The following WDHD1 variants were observed in gnomAD, a reference collection of about 807,000 sequenced individuals.
WDHD1 encodes the protein WD repeat and HMG-box DNA-binding protein 1.
A neutral mutation model predicts 135.4 loss-of-function variants in WDHD1; 111 were observed. That is an observed-to-expected ratio of 0.82 (90% CI 0.70 to 0.96). The LOEUF (loss-of-function observed/expected upper bound fraction) is 0.96, where lower values mean the gene tolerates loss of function less well. Among genes scored for constraint, WDHD1 ranks in the 40% least tolerant of loss-of-function variants. WDHD1 has a pLI of 0.00. For synonymous variants in WDHD1, 434 were observed against 439.0 expected (o/e 0.99, Z 0.14); for missense variants, 1,351 against 1,336.3 (o/e 1.01, Z -0.17).
intron 11 of WDHD1, among the ~76,000 whole-genome samples, chr14:54,992,626 A>T (rs1595101079): frequency 6.6e-6 from 1 of 152,192 alleles, no homozygotes; most frequent in African/African-American, 2.4e-5. Flanking sequence ...TAGCAGATAT[A>T]ATTTACAGCC....
intron 24 of WDHD1, among the ~76,000 whole-genome samples, chr14:54,948,605 C>A (rs1417246438): frequency 6.6e-6 from 1 of 152,176 alleles, no homozygotes; most frequent in Admixed American, 6.5e-5. Context: ...GCAGCAGAAA[C>A]CTCTACAGAT....
In WDHD1 at chr14:54,981,669, C is replaced by T. The variant is rs140885882; in HGVS notation, c.1934G>A (p.Gly645Glu). 3.2e-4 allele frequency: 518 copies of T among 1,610,644 alleles called. 1 individual carries two copies. The African/African-American group carries it at 5.8e-3, about 18-fold the overall frequency. ...EGTPCYVDSE[G>E]IVRMLNRGLG... ...TCCTCTGTTAAGCATTCGAACAATTCCTTCTGAATCCACGTAACAAGGGGT... is the reference window on the plus strand; with the variant it reads ...TCCTCTGTTAAGCATTCGAACAATTTCTTCTGAATCCACGTAACAAGGGGT... The change falls in exon 16 of 26, where the codon GGA (glycine) becomes GAA (glutamate). Residue 645 changes from glycine to glutamate, a missense_variant. Gly to Glu is a moderately conservative substitution (Grantham distance 98). Coordinates refer to ENST00000360586, the MANE Select transcript of WDHD1 (RefSeq NM_007086.4).
chr14:54,964,552 T>C (rs1427542524), intron 18 of WDHD1, among the ~76,000 whole-genome samples: 2 of 151,452 alleles, frequency 1.3e-5, no homozygotes, highest in Admixed American at 6.6e-5. Context: ...GGCAGGAGAA[T>C]GGCGTGAACC....
chr14:54,996,221 C>T lies in WDHD1; in HGVS notation c.943-408G>A, dbSNP rs377652098. ...TTTGAACAAAATACTGCATAAGATACATTTTCTTTATATTATCTCAGTTAA... is the reference window on the plus strand; with the variant it reads ...TTTGAACAAAATACTGCATAAGATATATTTTCTTTATATTATCTCAGTTAA... On this transcript the variant is annotated intron_variant, in intron 10 of 25. Transcript: ENST00000360586. Among the ~76,000 whole-genome samples, 3 of 152,270 alleles carry T rather than the reference C, an allele frequency of 2.0e-5. No individual in the cohort carries two copies. The East Asian group carries it at 5.8e-4, about 29-fold the overall frequency.
intron 23 of WDHD1, 61 bp from the exon 24 acceptor site, chr14:54,955,755 C>G (rs2041144416): frequency 7.6e-6 from 10 of 1,309,210 alleles, no homozygotes; most frequent in Non-Finnish European, 9.9e-6. Context: ...GTTTTATAAG[C>G]ACGTTCTGAA....
In WDHD1 at chr14:55,008,662, T is replaced by C. The variant is rs1002035667; in HGVS notation, c.399A>G (p.Arg133=). 12 of 1,613,510 alleles carry C rather than the reference T, an allele frequency of 7.4e-6. No individual in the cohort carries two copies. The highest frequency in any genetic ancestry group is 1.0e-5 in the Non-Finnish European group (12 of 1,179,872). ...VMDSSQQKTF[R]GHDAPVLSLS... is the part of the protein sequence containing the mutation. ...GACTTAAAACAGGGGCATCATGTCC[T>C]CGAAATGTTTTCTGTTGGCTGCTAT... The change falls in exon 5 of 26, where the codon CGA becomes CGG. Residue 133 remains arginine, a synonymous_variant. Transcript: ENST00000360586.
At chr14:54,987,435 TAC>T in intron 13 of WDHD1, 48 bp from the exon 14 acceptor site, 2 of 1,465,520 alleles carry the variant, frequency 1.4e-6, no homozygotes, top group Non-Finnish European at 1.8e-6. Context: ...ATATGATATT[TAC>T]ATATATATAT....
At chr14:54,976,191 AC>A (rs549316978) in intron 16 of WDHD1, among the ~76,000 whole-genome samples, 54 of 152,302 alleles carry the variant, frequency 3.5e-4, no homozygotes, top group Middle Eastern at 6.8e-3. Flanking sequence ...ATGAGAGCAA[AC>A]AGAGGCATTA....
chr14:54,970,470 C>G (rs927959454), intron 16 of WDHD1, among the ~76,000 whole-genome samples: 2 of 151,834 alleles, frequency 1.3e-5, no homozygotes, highest in Admixed American at 1.3e-4. Flanking sequence ...TGAAAGATCT[C>G]TACAAGAACT....
intron 17 of WDHD1, among the ~76,000 whole-genome samples, chr14:54,966,999 C>A (rs976549713): frequency 2.0e-5 from 3 of 152,188 alleles, no homozygotes; most frequent in Non-Finnish European, 2.9e-5. Flanking sequence ...TGTATGGAGG[C>A]ACTTCTTCTC....
chr14:55,001,475 T>C (rs960134191), intron 8 of WDHD1, among the ~76,000 whole-genome samples: 1 of 151,964 alleles, frequency 6.6e-6, no homozygotes, highest in Non-Finnish European at 1.5e-5. Context: ...GTTGCCCAAG[T>C]TGGTTTCGGA....
Position 54,955,685 on chromosome 14 carries a change from C to T in WDHD1, c.2926G>A (p.Ala976Thr), listed in dbSNP as rs2041141840. ...PKPKPKQASA[A>T]SYFQKRNSQT... ...GAATTTCTTTTCTGGAAATAGGATG[C>T]TGCAGATGCCTATAAAAACAAACAT... The change falls in exon 24 of 26, where the codon GCA (alanine) becomes ACA (threonine). Residue 976 changes from alanine to threonine, a missense_variant. Physicochemically the swap from Ala to Thr is moderately conservative, Grantham distance 58. Coordinates refer to ENST00000360586, the MANE Select transcript of WDHD1 (RefSeq NM_007086.4). 2 of 1,563,490 alleles carry T rather than the reference C, an allele frequency of 1.3e-6. No homozygotes were observed. Among genetic ancestry groups the T allele is most frequent in the African/African-American group, 1.4e-5 (1 of 71,534 alleles).
At chr14:55,004,032 T>C (rs1228394424) in intron 7 of WDHD1, among the ~76,000 whole-genome samples, 1 of 152,238 alleles carries the variant, frequency 6.6e-6, no homozygotes, top group Middle Eastern at 3.2e-3. Context: ...TAATATTTTG[T>C]ACCATGCAAA....
intron 14 of WDHD1, 66 bp downstream of exon 14, chr14:54,987,074 TAACAAA>T: frequency 6.4e-7 from 1 of 1,556,534 alleles, no homozygotes; most frequent in Non-Finnish European, 8.7e-7. Context: ...ACAAAAAGAG[TAACAAA>T]AACAGCAAAA....
chr14:54,999,334 G>A (rs1334282168), intron 10 of WDHD1, among the ~76,000 whole-genome samples: 2 of 152,178 alleles, frequency 1.3e-5, no homozygotes, highest in Non-Finnish European at 2.9e-5. Flanking sequence ...CATTCTGCCA[G>A]AATGCATGTG....
chr14:54,985,842 GAA>G (rs929810932), intron 14 of WDHD1, among the ~76,000 whole-genome samples: 5 of 152,322 alleles, frequency 3.3e-5, no homozygotes, highest in Admixed American at 2.6e-4. Flanking sequence ...AGGGGAAATG[GAA>G]AGAGAAGAAT....
intron 24 of WDHD1, among the ~76,000 whole-genome samples, chr14:54,947,880 C>T (rs1057396759): frequency 6.6e-6 from 1 of 151,854 alleles, no homozygotes; most frequent in Non-Finnish European, 1.5e-5. Flanking sequence ...GCGTGAGCCA[C>T]TGTGCCAGGC....
intron 16 of WDHD1, among the ~76,000 whole-genome samples, chr14:54,979,799 G>A (rs577773581): frequency 6.6e-6 from 1 of 152,258 alleles, no homozygotes; most frequent in South Asian, 2.1e-4. Flanking sequence ...AACTATTATT[G>A]TTAGTTTCCT....
intron 14 of WDHD1, among the ~76,000 whole-genome samples, chr14:54,986,456 C>T (rs971562095): frequency 3.9e-5 from 6 of 152,102 alleles, no homozygotes; most frequent in African/African-American, 1.2e-4. Flanking sequence ...GTGTGAGCCA[C>T]CACACCACAC....
Sources: gnomAD v4.1 joint callset for allele counts (sites outside exome capture counted in the v4.1 genomes callset) on GRCh38, gnomAD v4.1.1 for gene constraint, MANE v1.5 for transcripts, NCBI Gene and HGNC (gene_info 2026-07-23, HGNC 2026-07-21) for gene names.